The following KCNT2 variants were observed in gnomAD, a reference collection of about 807,000 sequenced individuals.
KCNT2 encodes the protein potassium channel subfamily T member 2.
In KCNT2, 67 loss-of-function variants were observed where a neutral mutation model predicts 153.8. The observed-to-expected ratio is 0.44, with a 90% CI of 0.36 to 0.53. The LOEUF is 0.53. KCNT2 is among the 20% of genes least tolerant of loss of function. The pLI is 0.00. For missense variants in KCNT2, 975 were observed against 1,354.8 expected (o/e 0.72, Z 4.40); for synonymous variants, 500 against 458.8 (o/e 1.09, Z -1.15).
At chr1:196,432,817 G>T (rs1024467728) in intron 8 of KCNT2, among the ~76,000 whole-genome samples, 5 of 152,056 alleles carry the variant, frequency 3.3e-5, no homozygotes, top group African/African-American at 1.2e-4. Context: ...TAGAGTTGGT[G>T]TTGGAACAAC....
intron 1 of KCNT2, among the ~76,000 whole-genome samples, chr1:196,586,170 A>G (rs1367536890): frequency 6.6e-6 from 1 of 152,136 alleles, no homozygotes; most frequent in Non-Finnish European, 1.5e-5. Flanking sequence ...AGGCTGAGAC[A>G]GGAGGATCAC....
chr1:196,534,785 T>A (rs919811039), intron 1 of KCNT2, among the ~76,000 whole-genome samples: 1 of 152,186 alleles, frequency 6.6e-6, no homozygotes, highest in African/African-American at 2.4e-5. Flanking sequence ...GGTCACTTTG[T>A]GGAACTTCGT....
At chr1:196,574,817 T>C (rs999514049) in intron 1 of KCNT2, among the ~76,000 whole-genome samples, 4 of 151,970 alleles carry the variant, frequency 2.6e-5, no homozygotes, top group Admixed American at 2.0e-4. Context: ...TCTTAAAACA[T>C]ACATAAGAAG....
chr1:196,426,984 G>A (rs915471584), intron 10 of KCNT2, among the ~76,000 whole-genome samples: 51 of 151,898 alleles, frequency 3.4e-4, no homozygotes, highest in Admixed American at 3.9e-4. Flanking sequence ...CTGTGGAATC[G>A]TAAGCCAATT....
At chr1:196,594,600 G>T (rs945950183) in intron 1 of KCNT2, among the ~76,000 whole-genome samples, 3 of 152,028 alleles carry the variant, frequency 2.0e-5, no homozygotes, top group Non-Finnish European at 2.9e-5. Flanking sequence ...AGAAAGTTAT[G>T]TTATACCTTC....
At chr1:196,422,655 G>A (rs1673310048) in intron 12 of KCNT2, among the ~76,000 whole-genome samples, 1 of 151,692 alleles carries the variant, frequency 6.6e-6, no homozygotes, top group South Asian at 2.1e-4. Context: ...TGAATAGAAG[G>A]TTCTCAAATG....
chr1:196,316,696 T>A (rs1036903266), intron 20 of KCNT2, among the ~76,000 whole-genome samples: 1 of 151,502 alleles, frequency 6.6e-6, no homozygotes, highest in South Asian at 2.1e-4. Flanking sequence ...AGGAAACACA[T>A]ACCTGTGAGC....
intron 25 of KCNT2, among the ~76,000 whole-genome samples, chr1:196,278,740 CA>C (rs1469567341): frequency 6.6e-6 from 1 of 152,062 alleles, no homozygotes; most frequent in Non-Finnish European, 1.5e-5. Context: ...ATATGTGAGA[CA>C]AAAAATCAGG....
intron 1 of KCNT2, among the ~76,000 whole-genome samples, chr1:196,496,513 C>T (rs915327199): frequency 4.0e-5 from 6 of 151,594 alleles, no homozygotes; most frequent in Non-Finnish European, 5.9e-5. Context: ...CCAATTTCAC[C>T]ATAGGCTAAT....
intron 25 of KCNT2, among the ~76,000 whole-genome samples, chr1:196,264,486 A>G (rs1420265315): frequency 6.6e-6 from 1 of 152,058 alleles, no homozygotes; most frequent in Admixed American, 6.5e-5. Flanking sequence ...GTCTGCCTCC[A>G]TTTTTGACAT....
At chr1:196,499,500 GGCA>G (rs944742228) in intron 1 of KCNT2, among the ~76,000 whole-genome samples, 1 of 152,178 alleles carries the variant, frequency 6.6e-6, no homozygotes, top group African/African-American at 2.4e-5. Context: ...CCTGAATGAA[GGCA>G]TAATGTGGTA....
At chr1:196,509,704 A>G (rs1681456471) in intron 1 of KCNT2, among the ~76,000 whole-genome samples, 1 of 152,180 alleles carries the variant, frequency 6.6e-6, no homozygotes, top group Non-Finnish European at 1.5e-5. Context: ...TTCAAGTGTC[A>G]TAGGTGTCTG....
intron 1 of KCNT2, among the ~76,000 whole-genome samples, chr1:196,558,614 C>T (rs1658995367): frequency 6.6e-6 from 1 of 151,410 alleles, no homozygotes; most frequent in African/African-American, 2.4e-5. Flanking sequence ...AGCAAATAGG[C>T]TGTGAGCTTA....
At chr1:196,540,882 T>C (rs1184441436) in intron 1 of KCNT2, among the ~76,000 whole-genome samples, 2 of 151,896 alleles carry the variant, frequency 1.3e-5, no homozygotes, top group Admixed American at 1.3e-4. Context: ...CTGGCTAACA[T>C]GGTGAAACCC....
chr1:196,525,796 G>A (rs116735176), intron 1 of KCNT2, among the ~76,000 whole-genome samples: 1,732 of 152,170 alleles, frequency 0.011, 33 homozygotes, highest in African/African-American at 0.039. Context: ...CTTAGCTAGC[G>A]TTTTATTATA....
chr1:196,447,903 A>C (rs1675834395), intron 8 of KCNT2, among the ~76,000 whole-genome samples: 2 of 151,222 alleles, frequency 1.3e-5, no homozygotes, highest in South Asian at 4.2e-4. Flanking sequence ...GAGCAGGAAG[A>C]GCCTTGAAAA....
intron 13 of KCNT2, among the ~76,000 whole-genome samples, chr1:196,381,011 G>C (rs1055462499): frequency 6.6e-6 from 1 of 152,146 alleles, no homozygotes. Flanking sequence ...AAGTCACTTA[G>C]TTTCACTAGA....
In KCNT2 at chr1:196,469,901, T is replaced by C. The variant is rs916155022; in HGVS notation, c.385-833A>G. ...TAGAAAGGCAATTTGAAATCTGCTATACTGTAATCTCCAATTATCCATTAT... is the reference window on the plus strand; with the variant it reads ...TAGAAAGGCAATTTGAAATCTGCTACACTGTAATCTCCAATTATCCATTAT... On this transcript the variant is annotated intron_variant, in intron 5 of 27. Transcript: ENST00000294725. 7.2e-5 allele frequency among the ~76,000 whole-genome samples: 11 copies of C among 152,208 alleles called. 1 individual carries two copies. Among genetic ancestry groups the C allele is most frequent in the Admixed American group, 4.6e-4 (7 of 15,272 alleles).
At chr1:196,370,946 T>C (rs1668475867) in intron 14 of KCNT2, among the ~76,000 whole-genome samples, 1 of 152,028 alleles carries the variant, frequency 6.6e-6, no homozygotes, top group Non-Finnish European at 1.5e-5. Context: ...AACATTTGGG[T>C]GACCAGTACA....
Sources: gnomAD v4.1 joint callset for allele counts (sites outside exome capture counted in the v4.1 genomes callset) on GRCh38, gnomAD v4.1.1 for gene constraint, MANE v1.5 for transcripts, NCBI Gene and HGNC (gene_info 2026-07-23, HGNC 2026-07-21) for gene names.